TGM5: variants seen among roughly 807,000 people sequenced by gnomAD.
TGM5 encodes protein-glutamine gamma-glutamyltransferase 5.
TGM5 carries 69 observed loss-of-function variants against 77.2 expected under a neutral mutation model. The ratio of observed to expected loss-of-function variants is 0.89; its 90% CI spans 0.74 to 1.09. The LOEUF (loss-of-function observed/expected upper bound fraction) is 1.09, where lower values mean the gene tolerates loss of function less well. Among genes scored for constraint, TGM5 ranks in the 50% least tolerant of loss-of-function variants. The probability of loss-of-function intolerance (pLI) is 0.00; values close to 1 mark genes in which losing one functional copy is unlikely to be tolerated. For synonymous variants in TGM5, 346 were observed against 351.8 expected, an observed-to-expected ratio of 0.98 and a Z score of 0.18; for missense variants, 842 against 896.5, an observed-to-expected ratio of 0.94 and a Z score of 0.78.
chr15:43,256,687 C>G lies in TGM5; in HGVS notation c.437-1G>C. On this transcript the variant is annotated splice_acceptor_variant, in intron 3 of 12. Transcript: ENST00000220420. LOFTEE classifies it high-confidence loss of function. Reference sequence around the variant, plus strand: ...TCACTGTCCAAGTAGACAGCATCCTCTAGGAACCAGAGTGGGAGGGCACGA... The same window carrying G: ...TCACTGTCCAAGTAGACAGCATCCTGTAGGAACCAGAGTGGGAGGGCACGA... The G allele has an allele frequency of 2.5e-6, 4 of 1,607,818 alleles. No homozygotes were observed. The highest frequency in any genetic ancestry group is 3.4e-6 in the Non-Finnish European group (4 of 1,174,356).
intron 4 of TGM5, among the ~76,000 whole-genome samples, chr15:43,254,309 C>G (rs1433905938): frequency 6.6e-6 from 1 of 152,224 alleles, no homozygotes; most frequent in Non-Finnish European, 1.5e-5. Context: ...CTGCCTGAGT[C>G]TCGGGGCTGT....
In TGM5 at chr15:43,238,813, T is replaced by C. The variant is rs2042609998; in HGVS notation, c.1345+4A>G. ...CTCTGAGTAGGGCTGGCTTGCTTAC[T>C]TACCTTCTTCATACTTGTAGTTCTC... On this transcript the variant is annotated splice_donor_region_variant and intron_variant, in intron 9 of 12. Coordinates refer to ENST00000220420, the MANE Select transcript of TGM5 (RefSeq NM_201631.4). The C allele has an allele frequency of 6.2e-7, 1 of 1,613,898 alleles. No homozygotes were observed. Among genetic ancestry groups the C allele is most frequent in the Non-Finnish European group, 8.5e-7 (1 of 1,179,916 alleles).
At chr15:43,261,090 T>TTTTTTTGTTTTTTG (rs2042786174) in intron 1 of TGM5, among the ~76,000 whole-genome samples, 2 of 97,118 alleles carry the variant, frequency 2.1e-5, no homozygotes, top group Admixed American at 1.1e-4. Flanking sequence ...TTTTTTTTTT[T>TTTTTTTGTTTTTTG]TTTTTTTTTT....
Position 43,238,856 on chromosome 15 carries a change from C to T in TGM5, c.1306G>A (p.Glu436Lys), listed in dbSNP as rs779289521. The change falls in exon 9 of 13, where the codon GAG becomes AAG. Residue 436 changes from glutamate (E) to lysine (K), a missense_variant. Physicochemically the swap from Glu to Lys is moderately conservative, Grantham distance 56 (BLOSUM62 1). Coordinates refer to ENST00000220420, the MANE Select transcript of TGM5 (RefSeq NM_201631.4). ...TAGTTCTCTGTGATGTCATCCCGCT[C>T]GTCACTCTGGATGCTCTTTGTGCTG... ...FISTKSIQSD[E>K]RDDITENYKY... 10 of 1,614,044 alleles carry T rather than the reference C, an allele frequency of 6.2e-6. No individual in the cohort carries two copies. Among genetic ancestry groups the T allele is most frequent in the African/African-American group, 5.3e-5 (4 of 74,922 alleles).
intron 6 of TGM5, among the ~76,000 whole-genome samples, chr15:43,249,324 G>A (rs1566832928): frequency 6.6e-6 from 1 of 152,134 alleles, no homozygotes; most frequent in Non-Finnish European, 1.5e-5. Context: ...ACAGTTCAGT[G>A]GTTTGTAATA....
At chr15:43,233,426 G>A (rs2042561806) in intron 12 of TGM5, 82 bp from the exon 13 acceptor site, 1 of 1,610,878 alleles carries the variant, frequency 6.2e-7, no homozygotes, top group East Asian at 2.2e-5. Context: ...CTTCCTGAGT[G>A]GGAGGGAGTG....
rs746651258 is a variant in TGM5, at chr15:43,235,764, T to G, written c.1419A>C (p.Gln473His). ...KLKARSFHGS[Q>H]RGAELQPSRP... is the part of the protein sequence containing the mutation. The stretch of plus-strand genomic sequence containing the variant: ...TGGAAGGTTGCAACTCTGCTCCTCT[T>G]TGGGAGCCATGGAAGCTTCTAGCCT... The change falls in exon 10 of 13, where the codon CAA (glutamine) becomes CAC (histidine). Residue 473 changes from glutamine to histidine, a missense_variant. Gln to His is a conservative substitution (Grantham distance 24). Coordinates refer to ENST00000220420, the MANE Select transcript of TGM5 (RefSeq NM_201631.4). 5.0e-6 allele frequency: 8 copies of G among 1,614,194 alleles called. No homozygotes were observed. In the South Asian group the frequency reaches 6.6e-5, roughly 13 times the overall value.
chr15:43,259,990 C>A, intron 3 of TGM5, 62 bp downstream of exon 3: 3 of 1,610,570 alleles, frequency 1.9e-6, no homozygotes, highest in Non-Finnish European at 2.5e-6. Flanking sequence ...ACCCTTGAGC[C>A]TGTCTCTCTG....
Position 43,253,678 on chromosome 15 carries a change from C to T in TGM5, c.556-44G>A, listed in dbSNP as rs202175574. The T allele has an allele frequency of 2.2e-5, 36 of 1,606,218 alleles. No homozygotes were observed. The Admixed American group carries it at 3.3e-4, about 15-fold the overall frequency. On this transcript the variant is annotated intron_variant, in intron 4 of 12. Transcript: ENST00000220420. ...AGAGGGAAGGCACCCATGCTTGTCA[C>T]GTGGGAGTATGTAAAAAGTAATGAC... is the stretch of plus-strand genomic sequence containing the variant.
In TGM5 at chr15:43,233,218, C is replaced by T; in HGVS notation, c.2136G>A (p.Arg712=). The T allele has an allele frequency of 6.2e-7, 1 of 1,614,192 alleles. No individual in the cohort carries two copies. Among genetic ancestry groups the T allele is most frequent in the African/African-American group, 1.3e-5 (1 of 75,054 alleles). The change falls in exon 13 of 13, where the codon AGG becomes AGA. Residue 712 remains arginine, a synonymous_variant. Coordinates refer to ENST00000220420, the MANE Select transcript of TGM5 (RefSeq NM_201631.4). ...ATAATGCAAAGTCTACATAAACATTCCTGTAACCCTTAATGTCCTTAAACT... is the reference window on the plus strand; with the variant it reads ...ATAATGCAAAGTCTACATAAACATTTCTGTAACCCTTAATGTCCTTAAACT... ...SNKFKDIKGY[R]NVYVDFAL
At chr15:43,236,765 G>A (rs531101736) in intron 9 of TGM5, among the ~76,000 whole-genome samples, 97 of 152,152 alleles carry the variant, frequency 6.4e-4, no homozygotes, top group African/African-American at 2.1e-3. Context: ...TCTGGAGTTC[G>A]AGACCAGCCT....
chr15:43,257,223 G>T (rs188794784), intron 3 of TGM5, among the ~76,000 whole-genome samples: 12 of 152,278 alleles, frequency 7.9e-5, no homozygotes, highest in Non-Finnish European at 1.2e-4. Flanking sequence ...ATTCTGAAAA[G>T]CTGGAAACCA....
rs2042612794 is a variant in TGM5, at chr15:43,239,011, C to G, written c.1151G>C (p.Gly384Ala). ...GPASVRAIKE[G>A]EVDLNYDTPF... ...CGTGTCATAGTTCAGGTCCACTTCT[C>G]CTTCTTTGATGGCTCTGACAGAGGC... Residue 384 changes from glycine to alanine, a missense_variant, in exon 9 of 13, where the codon GGA (glycine) becomes GCA (alanine). Gly to Ala is a moderately conservative substitution (Grantham distance 60). Transcript: ENST00000220420. The G allele has an allele frequency of 6.2e-7, 1 of 1,614,030 alleles. No homozygotes were observed. Among genetic ancestry groups the G allele is most frequent in the African/African-American group, 1.3e-5 (1 of 74,918 alleles).
chr15:43,258,815 C>T (rs2042762527), intron 3 of TGM5, among the ~76,000 whole-genome samples: 1 of 152,076 alleles, frequency 6.6e-6, no homozygotes, highest in Non-Finnish European at 1.5e-5. Flanking sequence ...AGAGAAGGCC[C>T]CATCATTAAC....
chr15:43,250,524 A>G (rs1329062888), intron 6 of TGM5, among the ~76,000 whole-genome samples: 1 of 152,244 alleles, frequency 6.6e-6, no homozygotes, highest in Non-Finnish European at 1.5e-5. Flanking sequence ...TGCCTGGCAC[A>G]AAGGAAGTCC....
intron 1 of TGM5, among the ~76,000 whole-genome samples, chr15:43,261,088 T>TTTG (rs2042785665): frequency 8.6e-6 from 1 of 116,816 alleles, no homozygotes; most frequent in East Asian, 2.9e-4. Context: ...TTTTTTTTTT[T>TTTG]TTTTTTTTTT....
chr15:43,246,488 C>G (rs1435072697), intron 6 of TGM5, among the ~76,000 whole-genome samples: 1 of 152,164 alleles, frequency 6.6e-6, no homozygotes, highest in Non-Finnish European at 1.5e-5. Flanking sequence ...TTGTCTTCCT[C>G]CCCAAAATAC....
chr15:43,266,749 C>T (rs1596454844), intron 1 of TGM5, 91 bp downstream of exon 1: 5 of 1,519,288 alleles, frequency 3.3e-6, no homozygotes, highest in Middle Eastern at 3.4e-4. Flanking sequence ...TTCTTTATTT[C>T]TCTGAATCCA....
chr15:43,256,744 A>T (rs1256965371), intron 3 of TGM5, 58 bp from the exon 4 acceptor site: 2 of 1,230,230 alleles, frequency 1.6e-6, no homozygotes, highest in African/African-American at 3.0e-5. Flanking sequence ...TTACTGCCCC[A>T]TTCTCATCCC....
Sources: allele counts gnomAD v4.1 joint callset (sites outside exome capture counted in the v4.1 genomes callset), GRCh38; gene constraint gnomAD v4.1.1; transcripts MANE v1.5; gene names NCBI Gene and HGNC (gene_info 2026-07-23, HGNC 2026-07-21).